INPP4B: variants seen among roughly 807,000 people sequenced by gnomAD.
The protein encoded by INPP4B is inositol polyphosphate-4-phosphatase type II B.
In INPP4B, 55 loss-of-function variants were observed where a neutral mutation model predicts 122.5. That is an observed-to-expected ratio of 0.45 (90% CI 0.36 to 0.56). INPP4B has a LOEUF of 0.56. Among genes scored for constraint, INPP4B ranks in the 20% least tolerant of loss-of-function variants. INPP4B has a pLI of 0.00. For missense variants in INPP4B, 1,000 were observed against 1,097.7 expected, an observed-to-expected ratio of 0.91 and a Z score of 1.26; for synonymous variants, 403 against 388.7, an observed-to-expected ratio of 1.04 and a Z score of -0.43.
intron 2 of INPP4B, among the ~76,000 whole-genome samples, chr4:142,624,708 T>G (rs1369349469): frequency 2.6e-5 from 4 of 152,150 alleles, no homozygotes; most frequent in African/African-American, 9.7e-5. Flanking sequence ...ATATCCTTGA[T>G]GAACATTCGT....
At position 142,255,531 on chromosome 4, in the gene INPP4B, C is replaced by G. The variant is rs1467289230; in HGVS notation, c.688+4961G>C. ...GAAGATCTACCAAGCAAATGGAAAA[C>G]AAAAAAGGCAGGGGTTGCAATCCTA... On this transcript the variant is annotated intron_variant, in intron 11 of 25. Transcript: ENST00000262992. 2.6e-5 allele frequency among the ~76,000 whole-genome samples: 4 copies of G among 151,674 alleles called. No homozygotes were observed. The East Asian group carries it at 7.7e-4, about 29-fold the overall frequency.
chr4:142,203,079 G>C (rs1841351802), intron 14 of INPP4B, among the ~76,000 whole-genome samples: 1 of 152,122 alleles, frequency 6.6e-6, no homozygotes, highest in Non-Finnish European at 1.5e-5. Context: ...CATTGATTCA[G>C]CTTGGGTGAA....
At chr4:142,363,338 AAT>A (rs927166227) in intron 7 of INPP4B, among the ~76,000 whole-genome samples, 5 of 150,952 alleles carry the variant, frequency 3.3e-5, no homozygotes, top group South Asian at 4.2e-4. Context: ...CATATAAACA[AAT>A]ATATATATAT....
At chr4:142,345,160 A>C (rs1779911484) in intron 7 of INPP4B, among the ~76,000 whole-genome samples, 1 of 152,048 alleles carries the variant, frequency 6.6e-6, no homozygotes, top group African/African-American at 2.4e-5. Context: ...AAATATACAC[A>C]ATAAAAATAT....
chr4:142,240,999 T>A (rs1859079070), intron 11 of INPP4B, among the ~76,000 whole-genome samples: 1 of 151,344 alleles, frequency 6.6e-6, no homozygotes, highest in Admixed American at 6.6e-5. Flanking sequence ...TTGTCAACTT[T>A]AAAAAAAAAG....
intron 11 of INPP4B, among the ~76,000 whole-genome samples, chr4:142,240,503 A>G (rs556627803): frequency 5.9e-5 from 9 of 152,304 alleles, no homozygotes; most frequent in African/African-American, 2.2e-4. Flanking sequence ...GCTGCTATTT[A>G]TAAAGAAAAT....
chr4:142,760,508 C>T (rs796840024), intron 1 of INPP4B, among the ~76,000 whole-genome samples: 1 of 152,126 alleles, frequency 6.6e-6, no homozygotes, highest in South Asian at 2.1e-4. Flanking sequence ...AAAACCAATT[C>T]CAGAGATGAA....
In INPP4B at chr4:142,511,058, CAG is replaced by C. The variant is rs2149866043; in HGVS notation, c.-190-48334_-190-48333del. 1.3e-5 allele frequency among the ~76,000 whole-genome samples: 2 copies of C among 152,170 alleles called. 1 individual carries two copies. The highest frequency in any genetic ancestry group is 1.3e-4 in the Admixed American group (2 of 15,272). Reference sequence around the variant, plus strand: ...CCTCATTTTTTATTCCTCTATAAAGCAGAGTTGTATTAAAATTTTCAAATTTC... The same window carrying C: ...CCTCATTTTTTATTCCTCTATAAAGCAGTTGTATTAAAATTTTCAAATTTC... On this transcript the variant is annotated intron_variant, in intron 2 of 25. Coordinates refer to ENST00000262992, the MANE Select transcript of INPP4B (RefSeq NM_001101669.3).
chr4:142,167,213 T>C (rs940033558), intron 16 of INPP4B, among the ~76,000 whole-genome samples: 11 of 151,198 alleles, frequency 7.3e-5, no homozygotes, highest in African/African-American at 2.4e-4. Context: ...TACACAGTTA[T>C]AAAAAGGAAC....
chr4:142,690,545 G>T (rs1349801384), intron 2 of INPP4B, among the ~76,000 whole-genome samples: 1 of 152,100 alleles, frequency 6.6e-6, no homozygotes, highest in South Asian at 2.1e-4. Flanking sequence ...AAAAAGACTA[G>T]GTTGGGACTT....
intron 2 of INPP4B, among the ~76,000 whole-genome samples, chr4:142,628,424 G>A (rs1446549219): frequency 1.7e-5 from 1 of 57,722 alleles, no homozygotes; most frequent in Non-Finnish European, 3.7e-5. Flanking sequence ...GGTGGGGGGA[G>A]GGGGGAGGGA....
intron 11 of INPP4B, among the ~76,000 whole-genome samples, chr4:142,242,210 C>A (rs75081545): frequency 0.034 from 5,236 of 152,120 alleles, 291 homozygotes; most frequent in African/African-American, 0.12. Flanking sequence ...TTTTAAAGAT[C>A]GGATGAGCAC....
Position 142,208,530 on chromosome 4 carries a change from C to A in INPP4B, c.968-1G>T. On this transcript the variant is annotated splice_acceptor_variant, in intron 13 of 25. Transcript: ENST00000262992. LOFTEE classifies it high-confidence loss of function. ...CTGCTGCTTGATTTGAAAGAGGACC[C>A]TGATGGAAACCAGAAATTAAACATT... 6.6e-7 allele frequency: 1 copy of A among 1,513,100 alleles called. No individual in the cohort carries two copies. Among genetic ancestry groups the A allele is most frequent in the Admixed American group, 1.8e-5 (1 of 55,166 alleles). 93.7% of individuals were successfully genotyped at this position (1,513,100 alleles called of 1,614,324 possible).
intron 1 of INPP4B, among the ~76,000 whole-genome samples, chr4:142,778,766 T>C (rs1438084292): frequency 6.6e-6 from 1 of 152,190 alleles, no homozygotes; most frequent in African/African-American, 2.4e-5. Context: ...AGAAAGAATT[T>C]CATATAGTTT....
chr4:142,313,776 T>A (rs2151307435), intron 8 of INPP4B, among the ~76,000 whole-genome samples: 1 of 152,348 alleles, frequency 6.6e-6, no homozygotes, highest in Admixed American at 6.5e-5. Flanking sequence ...GAGAGGCTTG[T>A]GTTAGGCATG....
intron 2 of INPP4B, among the ~76,000 whole-genome samples, chr4:142,523,191 G>C (rs368236723): frequency 2.1e-4 from 32 of 152,152 alleles, no homozygotes; most frequent in Admixed American, 1.7e-3. Context: ...TATTACAAAC[G>C]CAAATACAAA....
intron 1 of INPP4B, among the ~76,000 whole-genome samples, chr4:142,744,693 G>A (rs1007796416): frequency 5.9e-5 from 9 of 151,376 alleles, no homozygotes; most frequent in Admixed American, 4.0e-4. Flanking sequence ...TCAAAAATAA[G>A]GTAAAATGGG....
chr4:142,071,761 G>C (rs1767511253), intron 25 of INPP4B, among the ~76,000 whole-genome samples: 1 of 152,194 alleles, frequency 6.6e-6, no homozygotes, highest in African/African-American at 2.4e-5. Context: ...GGCCATCAGA[G>C]AAATGCAAAT....
At chr4:142,673,760 A>G (rs941620720) in intron 2 of INPP4B, among the ~76,000 whole-genome samples, 1 of 152,120 alleles carries the variant, frequency 6.6e-6, no homozygotes, top group African/African-American at 2.4e-5. Context: ...CAGGCACAGA[A>G]CTGAAGTTCG....
Sources: allele counts gnomAD v4.1 joint callset (sites outside exome capture counted in the v4.1 genomes callset), GRCh38; gene constraint gnomAD v4.1.1; transcripts MANE v1.5; gene names NCBI Gene and HGNC (gene_info 2026-07-23, HGNC 2026-07-21).